Variants in RTTN observed in about 807,000 individuals in gnomAD.
RTTN encodes rotatin.
Under a neutral mutation model 269.2 loss-of-function variants are expected in RTTN, and 182 were observed. The ratio of observed to expected loss-of-function variants is 0.68; its 90% CI spans 0.60 to 0.76. The LOEUF (loss-of-function observed/expected upper bound fraction) is 0.76. RTTN is among the 30% of genes least tolerant of loss of function. The pLI, the probability that RTTN is intolerant of heterozygous loss-of-function variation, is 0.00. For missense variants in RTTN, 2,545 were observed against 2,608.6 expected (o/e 0.98, Z 0.53); for synonymous variants, 1,006 against 963.5 (o/e 1.04, Z -0.82).
At chr18:70,014,939 A>G (rs144044663) in intron 46 of RTTN, among the ~76,000 whole-genome samples, 2,891 of 152,296 alleles carry the variant, frequency 0.019, 67 homozygotes, top group Non-Finnish European at 0.022. Context: ...AAGACTTTCA[A>G]TCAAAACTGG....
intron 26 of RTTN, among the ~76,000 whole-genome samples, chr18:70,118,803 T>C (rs562012548): frequency 5.3e-5 from 8 of 152,208 alleles, no homozygotes; most frequent in Non-Finnish European, 1.0e-4. Flanking sequence ...GTAAATGTGA[T>C]ACACCAAATT....
At chr18:70,126,794 C>G (rs562212533) in intron 25 of RTTN, among the ~76,000 whole-genome samples, 1 of 152,230 alleles carries the variant, frequency 6.6e-6, no homozygotes, top group Non-Finnish European at 1.5e-5. Flanking sequence ...AAAGCCTAAT[C>G]AGATAAACTA....
At chr18:70,093,345 G>C (rs750032901) in intron 28 of RTTN, among the ~76,000 whole-genome samples, 4 of 151,672 alleles carry the variant, frequency 2.6e-5, no homozygotes, top group Non-Finnish European at 4.4e-5. Flanking sequence ...AAATGTTATA[G>C]CATCCTTTTA....
chr18:70,147,767 C>A (rs2060432454), intron 17 of RTTN, among the ~76,000 whole-genome samples: 1 of 152,038 alleles, frequency 6.6e-6, no homozygotes, highest in Admixed American at 6.6e-5. Context: ...CTGGGGGTGT[C>A]CTGCCTTAGA....
intron 26 of RTTN, among the ~76,000 whole-genome samples, chr18:70,119,592 G>A (rs1426099921): frequency 6.6e-6 from 1 of 152,084 alleles, no homozygotes; most frequent in Non-Finnish European, 1.5e-5. Context: ...TTCATGAAAA[G>A]ACCGAATATG....
chr18:70,026,929 C>T (rs535653842), intron 43 of RTTN, among the ~76,000 whole-genome samples: 49 of 152,306 alleles, frequency 3.2e-4, no homozygotes, highest in Non-Finnish European at 5.6e-4. Flanking sequence ...GAGGCTAGCA[C>T]GTGCAAGCAT....
intron 41 of RTTN, among the ~76,000 whole-genome samples, chr18:70,030,348 G>A (rs2056976828): frequency 6.6e-6 from 1 of 152,136 alleles, no homozygotes; most frequent in Admixed American, 6.5e-5. Flanking sequence ...TACAACTTGA[G>A]GAATACATCA....
chr18:70,190,766 A>C (rs774651707), intron 8 of RTTN, 47 bp from the exon 9 acceptor site: 1 of 1,395,910 alleles, frequency 7.2e-7, no homozygotes, highest in South Asian at 1.2e-5. Context: ...AACAATCCCC[A>C]AACAGATTTA....
chr18:70,034,401 G>A (rs910107447), intron 40 of RTTN, among the ~76,000 whole-genome samples: 2 of 152,130 alleles, frequency 1.3e-5, no homozygotes, highest in African/African-American at 2.4e-5. Context: ...TTCAACATAC[G>A]TGCAAACAAA....
At chr18:70,006,537 T>A in intron 46 of RTTN, 53 bp from the exon 47 acceptor site, 1 of 1,355,694 alleles carries the variant, frequency 7.4e-7, no homozygotes, top group Non-Finnish European at 1.1e-6. Flanking sequence ...CTGCATTGTA[T>A]TCTTATCTTG....
At chr18:70,043,822 A>T (rs1302367116) in intron 40 of RTTN, among the ~76,000 whole-genome samples, 3 of 152,260 alleles carry the variant, frequency 2.0e-5, no homozygotes, top group Non-Finnish European at 2.9e-5. Flanking sequence ...ACTTTCTATC[A>T]GTTTCCATAC....
In RTTN at chr18:70,127,553, C is replaced by G. The variant is rs191606870; in HGVS notation, c.3332G>C (p.Gly1111Ala). 9.7e-5 allele frequency: 156 copies of G among 1,613,472 alleles called. 5 individuals carry two copies. The East Asian group carries it at 2.0e-3, about 21-fold the overall frequency. Residue 1111 changes from glycine to alanine, a missense_variant, in exon 25 of 49, where the codon GGT becomes GCT. Physicochemically the swap from Gly to Ala is moderately conservative, Grantham distance 60. Transcript: ENST00000640769. ...NDRLSLKGCP[G>A]PCGVTLKSLA... ...GGACTTCAAGGTAACCCCACATGGA[C>G]CAGGGCAACCCTTTAAAGACAATCT...
chr18:70,135,061 T>G (rs2060090976), intron 22 of RTTN, 123 bp downstream of exon 22: 1 of 539,660 alleles, frequency 1.9e-6, no homozygotes, highest in Non-Finnish European at 3.3e-6. Flanking sequence ...TCATACCACA[T>G]ATGTGTAGCA....
At chr18:70,006,303 G>C (rs1056594633) in intron 47 of RTTN, 78 bp downstream of exon 47, 3 of 959,704 alleles carry the variant, frequency 3.1e-6, no homozygotes, top group Non-Finnish European at 5.0e-6. Context: ...GACACCTTTG[G>C]ATGTATCCTA....
intron 32 of RTTN, among the ~76,000 whole-genome samples, chr18:70,080,280 C>T (rs752028352): frequency 3.3e-5 from 5 of 152,042 alleles, no homozygotes; most frequent in Non-Finnish European, 7.4e-5. Flanking sequence ...ACATCTAGAA[C>T]GCAGATCTTG....
intron 14 of RTTN, among the ~76,000 whole-genome samples, chr18:70,155,633 T>G (rs79068449): frequency 0.034 from 5,203 of 152,198 alleles, 309 homozygotes; most frequent in African/African-American, 0.12. Flanking sequence ...CCCAATGAGT[T>G]GCCAGAGACA....
intron 19 of RTTN, among the ~76,000 whole-genome samples, chr18:70,141,178 A>C (rs1006935550): frequency 2.0e-5 from 3 of 152,178 alleles, no homozygotes; most frequent in African/African-American, 7.2e-5. Flanking sequence ...AATATGTGGA[A>C]TATGTTTTTT....
rs2056099332 is a variant in RTTN at position 70,003,829 on chromosome 18, T to C, written c.*322A>G. 1 of 181,476 alleles carries C rather than the reference T, an allele frequency of 5.5e-6. No individual in the cohort carries two copies. Among genetic ancestry groups the C allele is most frequent in the South Asian group, 1.9e-4 (1 of 5,164 alleles). The allele number at this position is 181,476 out of a possible 1,614,324, so 11.2% of individuals were successfully genotyped here. A position where few individuals can be genotyped will look rare whatever the true frequency, so the allele number is the denominator to read the frequency against. Reference sequence around the variant, plus strand: ...TTTTTAGTTTCTAAAAATATTGTTTTATTAAATAACTGTTAAATAGGATTT... The same window carrying C: ...TTTTTAGTTTCTAAAAATATTGTTTCATTAAATAACTGTTAAATAGGATTT... On this transcript the variant is annotated 3_prime_UTR_variant, in exon 49 of 49. Transcript: ENST00000640769.
chr18:70,080,928 T>TCTCACACA (rs1491280568), intron 32 of RTTN, among the ~76,000 whole-genome samples: 3 of 146,798 alleles, frequency 2.0e-5, no homozygotes, highest in Admixed American at 6.8e-5. Flanking sequence ...GTGTGTGGTA[T>TCTCACACA]CACACACACA....
Sources: allele counts gnomAD v4.1 joint callset (sites outside exome capture counted in the v4.1 genomes callset), GRCh38; gene constraint gnomAD v4.1.1; transcripts MANE v1.5; gene names NCBI Gene and HGNC (gene_info 2026-07-23, HGNC 2026-07-21).